The following ADAM20 variants were observed in gnomAD, a reference collection of about 807,000 sequenced individuals.
The protein encoded by ADAM20 is disintegrin and metalloproteinase domain-containing protein 20.
For synonymous variants in ADAM20, 305 were observed against 310.2 expected (o/e 0.98, Z 0.18); for missense variants, 871 against 883.2 (o/e 0.99, Z 0.18).
At chr14:70,532,532 C>A (rs572408625) in intron 1 of ADAM20, among the ~76,000 whole-genome samples, 2 of 152,118 alleles carry the variant, frequency 1.3e-5, no homozygotes, top group Non-Finnish European at 2.9e-5. Context: ...AACAGATGGG[C>A]ATGTAGTGGC....
Position 70,523,869 on chromosome 14 carries a change from G to T in ADAM20, c.889C>A (p.His297Asn). The change falls in exon 2 of 2, where the codon CAT becomes AAT. Residue 297 changes from histidine to asparagine, a missense_variant. By Grantham distance (68) the His-to-Asn change is moderately conservative (BLOSUM62 1). Transcript: ENST00000256389. ...CCTTGTGTGTCTTTTATGAAAAGAT[G>T]TGCAACATCATGTTGTAGTCGATTA... ...LNNRLQHDVA[H>N]LFIKDTQGMK... 6.2e-7 allele frequency: 1 copy of T among 1,613,956 alleles called. No individual in the cohort carries two copies. The highest frequency in any genetic ancestry group is 8.5e-7 in the Non-Finnish European group (1 of 1,179,940).
At chr14:70,554,106 C>G in the ADAM20 span, among the ~76,000 whole-genome samples, 1 of 152,136 alleles carries the variant, frequency 6.6e-6, no homozygotes, top group South Asian at 2.1e-4. Flanking sequence ...AAATTGGTAG[C>G]ATTTCTATAT....
At chr14:70,537,177 ATCTTGTCTC>A (rs1197266760), upstream of ADAM20, among the ~76,000 whole-genome samples, 3 of 152,090 alleles carry the variant, frequency 2.0e-5, no homozygotes, top group Admixed American at 1.3e-4. Flanking sequence ...CACCTACCTC[ATCTTGTCTC>A]TCACTTCACT....
chr14:70,522,712 C>T lies in ADAM20; in HGVS notation c.2046G>A (p.Met682Ile). 6.2e-7 allele frequency: 1 copy of T among 1,613,982 alleles called. No individual in the cohort carries two copies. The highest frequency in any genetic ancestry group is 8.5e-7 in the Non-Finnish European group (1 of 1,179,926). ...ADSGPPPKNN[M>I]EGLNVMGKLR... is the part of the protein sequence containing the mutation. ...ACTTTCCCATCACATTTAATCCTTC[C>T]ATGTTGTTCTTAGGAGGTGGGCCAC... Residue 682 changes from methionine to isoleucine, a missense_variant, in exon 2 of 2, where the codon ATG (methionine) becomes ATA (isoleucine). Physicochemically the swap from Met to Ile is conservative, Grantham distance 10 (BLOSUM62 1). Coordinates refer to ENST00000256389, the MANE Select transcript of ADAM20 (RefSeq NM_003814.5).
chr14:70,531,453 G>A (rs970407330), intron 1 of ADAM20, among the ~76,000 whole-genome samples: 1 of 152,054 alleles, frequency 6.6e-6, no homozygotes, highest in African/African-American at 2.4e-5. Context: ...TCTGGAACAA[G>A]GCAAGAATAT....
At position 70,523,590 on chromosome 14, in the gene ADAM20, T is replaced by C; in HGVS notation, c.1168A>G (p.Ser390Gly). The change falls in exon 2 of 2, where the codon AGT becomes GGT. Residue 390 changes from serine to glycine, a missense_variant. Transcript: ENST00000256389. ...GGCGGTTGAATACATAATCCACTAC[T>C]GATAGTACTGTCCCAATATTGGGCA... ...SYAQYWDSTI[S>G]SGLCIQPPPY... 1 of 1,614,104 alleles carries C rather than the reference T, an allele frequency of 6.2e-7. No individual in the cohort carries two copies. The highest frequency in any genetic ancestry group is 8.5e-7 in the Non-Finnish European group (1 of 1,179,994).
intron 1 of ADAM20, among the ~76,000 whole-genome samples, chr14:70,526,370 G>A (rs968120503): frequency 6.6e-6 from 1 of 152,108 alleles, no homozygotes; most frequent in African/African-American, 2.4e-5. Context: ...ATGGCCACCG[G>A]ATGCCACAAG....
At chr14:70,544,706 AAAG>A in the ADAM20 span, among the ~76,000 whole-genome samples, 1 of 152,148 alleles carries the variant, frequency 6.6e-6, no homozygotes, top group African/African-American at 2.4e-5. Context: ...TTCTCATCAT[AAAG>A]AAATGATAAA....
At chr14:70,538,807 G>GT (rs1018843581), upstream of ADAM20, among the ~76,000 whole-genome samples, 9 of 152,146 alleles carry the variant, frequency 5.9e-5, no homozygotes, top group Non-Finnish European at 1.0e-4. Flanking sequence ...GTTTTGTTTT[G>GT]TTTTTTTCTG....
chr14:70,569,793 T>A, the ADAM20 span, among the ~76,000 whole-genome samples: 1 of 146,050 alleles, frequency 6.8e-6, no homozygotes. Context: ...CAAATACTAG[T>A]AGACTTCAGA....
chr14:70,568,939 T>C, the ADAM20 span, among the ~76,000 whole-genome samples: 3 of 152,000 alleles, frequency 2.0e-5, no homozygotes, highest in South Asian at 2.1e-4. Context: ...GAACCAGATA[T>C]AAGAAACTGA....
intron 1 of ADAM20, among the ~76,000 whole-genome samples, chr14:70,529,877 CTT>C (rs1402019182): frequency 2.6e-5 from 4 of 152,180 alleles, no homozygotes; most frequent in South Asian, 2.1e-4. Context: ...ATAAATTAAA[CTT>C]AGCTTACTAT....
the ADAM20 span, among the ~76,000 whole-genome samples, chr14:70,560,482 C>T: frequency 6.6e-6 from 1 of 152,012 alleles, no homozygotes; most frequent in Non-Finnish European, 1.5e-5. Context: ...TATAAAACAC[C>T]TATGAGCAAA....
chr14:70,523,045 T>C lies in ADAM20; in HGVS notation c.1713A>G (p.Val571=), dbSNP rs9323540. Residue 571 remains valine (V), a synonymous_variant, in exon 2 of 2, where the codon GTA becomes GTG. Transcript: ENST00000256389. ...TAGAATGCTCTATCAGATTGGGAAT[T>C]ACTCCCACATTTTCACACTGAACCC... The part of the protein sequence containing the change: ...CGRVQCENVG[V]IPNLIEHSTV... 0.025 allele frequency: 40,712 copies of C among 1,613,906 alleles called. 858 individuals carry two copies. Among genetic ancestry groups the C allele is most frequent in the African/African-American group, 0.1 (7,481 of 74,978 alleles).
chr14:70,550,836 G>A, the ADAM20 span, among the ~76,000 whole-genome samples: 1,569 of 99,892 alleles, frequency 0.016, 15 homozygotes, highest in African/African-American at 0.068. Context: ...TATCAAAGCC[G>A]GGCAGAGACA....
At chr14:70,546,922 T>G in the ADAM20 span, among the ~76,000 whole-genome samples, 1 of 152,040 alleles carries the variant, frequency 6.6e-6, no homozygotes, top group Non-Finnish European at 1.5e-5. Context: ...GCTGGTTTTT[T>G]GAATAGTTAA....
At chr14:70,553,345 T>A in the ADAM20 span, among the ~76,000 whole-genome samples, 13 of 61,190 alleles carry the variant, frequency 2.1e-4, no homozygotes, top group Non-Finnish European at 2.1e-4. Context: ...AGTAGCAGAA[T>A]TGAAAAAAAA....
At chr14:70,574,711 G>A in the ADAM20 span, among the ~76,000 whole-genome samples, 1 of 151,874 alleles carries the variant, frequency 6.6e-6, no homozygotes, top group South Asian at 2.1e-4. Flanking sequence ...CAAGGAATTA[G>A]AGAAAAACGA....
At position 70,522,448 on chromosome 14, in the gene ADAM20, G is replaced by T. The variant is rs1452207733; in HGVS notation, c.*129C>A. The T allele has an allele frequency of 3.2e-6, 3 of 946,056 alleles. No individual in the cohort carries two copies. The highest frequency in any genetic ancestry group is 3.3e-5 in the African/African-American group (2 of 59,918). The allele number at this position is 946,056 out of a possible 1,614,324, so 58.6% of individuals were successfully genotyped here. ...TCCTTTGCTGTGATAGCTAATGCTT[G>T]CAATCCTGACATGAAATGTCCATGA... On this transcript the variant is annotated 3_prime_UTR_variant, in exon 2 of 2. Coordinates refer to ENST00000256389, the MANE Select transcript of ADAM20 (RefSeq NM_003814.5).
Sources: allele counts gnomAD v4.1 joint callset (sites outside exome capture counted in the v4.1 genomes callset), GRCh38; gene constraint gnomAD v4.1.1; transcripts MANE v1.5; gene names NCBI Gene and HGNC (gene_info 2026-07-23, HGNC 2026-07-21).